Variants in TAFA5 observed in about 807,000 individuals in gnomAD.
TAFA5 encodes TAFA chemokine like family member 5.
A neutral mutation model predicts 15.3 loss-of-function variants in TAFA5; 6 were observed. The observed-to-expected ratio is 0.39, with a 90% CI of 0.21 to 0.77. TAFA5 has a LOEUF of 0.77. TAFA5 is among the 30% of genes least tolerant of loss of function. The pLI is 0.41. For missense variants in TAFA5, 161 were observed against 193.1 expected, an observed-to-expected ratio of 0.83 and a Z score of 0.98; for synonymous variants, 103 against 80.7, an observed-to-expected ratio of 1.28 and a Z score of -1.48.
intron 1 of TAFA5, among the ~76,000 whole-genome samples, chr22:48,585,059 AC>A (rs1569035986): frequency 4.3e-5 from 6 of 138,624 alleles, no homozygotes; most frequent in East Asian, 2.1e-4. Context: ...ACTCACAAAA[AC>A]ATCACACACA....
chr22:48,576,579 TC>T (rs1332187356), intron 1 of TAFA5: 11 of 1,455,682 alleles, frequency 7.6e-6, no homozygotes, highest in Admixed American at 4.3e-5. Context: ...AAGGTAATTG[TC>T]CCCGGGCGCG....
At chr22:48,568,684 C>T (rs1868264242) in intron 1 of TAFA5, among the ~76,000 whole-genome samples, 1 of 152,238 alleles carries the variant, frequency 6.6e-6, no homozygotes, top group Admixed American at 6.5e-5. Context: ...CACAGGGAGA[C>T]TAATGACTGG....
chr22:48,603,373 G>A lies in TAFA5; in HGVS notation c.113-43224G>A, dbSNP rs566374075. 7.4e-4 allele frequency among the ~76,000 whole-genome samples: 113 copies of A among 152,370 alleles called. No individual in the cohort carries two copies. The Middle Eastern group carries it at 0.014, about 18-fold the overall frequency. ...GGAGGCGGCCACGCAGTGCGGCCAC[G>A]GCACCACCACGCTGGGCAGCAAGCA... On this transcript the variant is annotated intron_variant, in intron 1 of 3. Coordinates refer to ENST00000402357, the MANE Select transcript of TAFA5 (RefSeq NM_001082967.3).
At chr22:48,712,617 G>A (rs962478768) in intron 3 of TAFA5, among the ~76,000 whole-genome samples, 1 of 152,168 alleles carries the variant, frequency 6.6e-6, no homozygotes, top group African/African-American at 2.4e-5. Flanking sequence ...TGACCTCTGC[G>A]GTGCTTTTCC....
intron 1 of TAFA5, among the ~76,000 whole-genome samples, chr22:48,569,212 C>T (rs1923502854): frequency 6.6e-6 from 1 of 152,188 alleles, no homozygotes; most frequent in Admixed American, 6.5e-5. Context: ...AGGGCAATCT[C>T]CGGGGAGGAC....
Position 48,566,291 on chromosome 22 carries a change from AAGAT to A in TAFA5, c.112+76588_112+76591del, listed in dbSNP as rs963098408. 6.9e-6 allele frequency among the ~76,000 whole-genome samples: 1 copy of A among 144,164 alleles called. No homozygotes were observed. The highest frequency in any genetic ancestry group is 1.5e-5 in the Non-Finnish European group (1 of 66,078). 94.6% of individuals were successfully genotyped at this position (144,164 alleles called of 152,430 possible). On this transcript the variant is annotated intron_variant, in intron 1 of 3. Transcript: ENST00000402357. The surrounding 1 kb of genome is among the most constrained non-coding windows in gnomAD (Gnocchi z 4.5). The stretch of plus-strand genomic sequence containing the variant: ...TGATGAATGTATGATGGGTGGATGA[AAGAT>A]GGATGGATGATGGATAGATGGATGG...
chr22:48,748,606 G>A (rs1182930258), intron 3 of TAFA5, among the ~76,000 whole-genome samples: 1 of 152,228 alleles, frequency 6.6e-6, no homozygotes, highest in Non-Finnish European at 1.5e-5. Flanking sequence ...GTCCTGTTGA[G>A]TGTGGGTTCT....
intron 1 of TAFA5, among the ~76,000 whole-genome samples, chr22:48,576,052 C>G (rs994503555): frequency 6.0e-5 from 7 of 116,938 alleles, no homozygotes; most frequent in South Asian, 2.9e-4. Context: ...CCCCCCCCCC[C>G]CGCGCCGCCC....
chr22:48,633,163 T>C (rs1407616252), intron 1 of TAFA5, among the ~76,000 whole-genome samples: 1 of 152,134 alleles, frequency 6.6e-6, no homozygotes, highest in Non-Finnish European at 1.5e-5. Flanking sequence ...AGGAGGAGGC[T>C]GGGCCTCCTG....
chr22:48,711,683 A>G (rs1005940503), intron 3 of TAFA5, among the ~76,000 whole-genome samples: 10 of 152,214 alleles, frequency 6.6e-5, no homozygotes, highest in African/African-American at 4.8e-5. Context: ...TGGCGTTCTC[A>G]TAACTTGGCT....
intron 1 of TAFA5, among the ~76,000 whole-genome samples, chr22:48,545,920 T>G (rs959152814): frequency 3.3e-5 from 5 of 152,128 alleles, no homozygotes; most frequent in Admixed American, 2.6e-4. Flanking sequence ...ATAACTTGGC[T>G]GGGTTCTGCC....
At chr22:48,607,854 C>A (rs1369517298) in intron 1 of TAFA5, among the ~76,000 whole-genome samples, 1 of 152,074 alleles carries the variant, frequency 6.6e-6, no homozygotes, top group Non-Finnish European at 1.5e-5. Flanking sequence ...TTTGCTTGGT[C>A]TAAGTCCTGC....
At chr22:48,738,596 C>T (rs551165137) in intron 3 of TAFA5, among the ~76,000 whole-genome samples, 6 of 151,824 alleles carry the variant, frequency 4.0e-5, no homozygotes, top group Non-Finnish European at 8.8e-5. Flanking sequence ...ACAGCCTCCT[C>T]ACCTGAGACC....
At chr22:48,597,866 G>A (rs1375650214) in intron 1 of TAFA5, among the ~76,000 whole-genome samples, 1 of 152,246 alleles carries the variant, frequency 6.6e-6, no homozygotes, top group African/African-American at 2.4e-5. Context: ...GTTAAGGGAT[G>A]GAGAAGGGAC....
At chr22:48,542,650 GGT>G (rs139325576) in intron 1 of TAFA5, among the ~76,000 whole-genome samples, 1 of 54,270 alleles carries the variant, frequency 1.8e-5, no homozygotes, top group African/African-American at 8.0e-5. Context: ...GTGTGTGTGT[GGT>G]GTGTGTGTGG....
Position 48,711,991 on chromosome 22 carries a change from G to A in TAFA5, c.390+4147G>A, listed in dbSNP as rs79825565. 4.1e-4 allele frequency among the ~76,000 whole-genome samples: 62 copies of A among 152,382 alleles called. 1 individual carries two copies. The East Asian group carries it at 0.01, about 25-fold the overall frequency. On this transcript the variant is annotated intron_variant, in intron 3 of 3. Transcript: ENST00000402357. Reference sequence around the variant, plus strand: ...ATGCCTGCGCCTCTCTGTGTGACACGTGGATTCACGATTCATGGATTAACC... The same window carrying A: ...ATGCCTGCGCCTCTCTGTGTGACACATGGATTCACGATTCATGGATTAACC...
At chr22:48,634,833 C>CT (rs1926389919) in intron 1 of TAFA5, among the ~76,000 whole-genome samples, 1 of 152,378 alleles carries the variant, frequency 6.6e-6, no homozygotes, top group South Asian at 2.1e-4. Context: ...CTTCATCTGC[C>CT]TTTTGCCAGT....
intron 1 of TAFA5, among the ~76,000 whole-genome samples, chr22:48,531,115 T>TG (rs1921956606): frequency 7.8e-6 from 1 of 127,792 alleles, no homozygotes; most frequent in Non-Finnish European, 1.7e-5. Flanking sequence ...CCGACGTGGC[T>TG]GGGCCTGTTT....
chr22:48,713,967 TGAA>T (rs995163711), intron 3 of TAFA5, among the ~76,000 whole-genome samples: 1 of 152,172 alleles, frequency 6.6e-6, no homozygotes. Context: ...ACCCCCAGCG[TGAA>T]GAAGGAGGTG....
Sources: gnomAD v4.1 joint callset for allele counts (sites outside exome capture counted in the v4.1 genomes callset) on GRCh38, gnomAD v4.1.1 for gene constraint, Gnocchi (gnomAD v3.1) non-coding constraint, MANE v1.5 for transcripts, NCBI Gene and HGNC (gene_info 2026-07-23, HGNC 2026-07-21) for gene names.